The following BACH2 variants were observed in gnomAD, a reference collection of about 807,000 sequenced individuals.
BACH2 encodes the protein transcription regulator protein BACH2.
BACH2 carries 5 observed loss-of-function variants against 61.8 expected under a neutral mutation model. The ratio of observed to expected loss-of-function variants is 0.08; its 90% confidence interval spans 0.04 to 0.17. The LOEUF (loss-of-function observed/expected upper bound fraction) is 0.17, where lower values mean the gene tolerates loss of function less well. Among genes scored for constraint, BACH2 ranks in the 10% least tolerant of loss-of-function variants. BACH2 has a pLI of 1.00. For missense variants in BACH2, 824 were observed against 1,091.1 expected (o/e 0.76, Z 3.45); for synonymous variants, 446 against 440.1 (o/e 1.01, Z -0.17).
intron 3 of BACH2, among the ~76,000 whole-genome samples, chr6:90,228,468 G>A (rs971788642): frequency 3.3e-5 from 5 of 152,254 alleles, no homozygotes; most frequent in African/African-American, 1.2e-4. Context: ...TAGGTTGGGC[G>A]TGGTGGCTCA....
chr6:90,055,778 G>A (rs943395923), intron 5 of BACH2, among the ~76,000 whole-genome samples: 10 of 152,062 alleles, frequency 6.6e-5, no homozygotes, highest in Admixed American at 1.3e-4. Flanking sequence ...CTGATCTCTC[G>A]GCAGAAACTC....
chr6:90,267,322 A>C (rs941351877), intron 2 of BACH2, among the ~76,000 whole-genome samples: 7 of 152,210 alleles, frequency 4.6e-5, no homozygotes, highest in African/African-American at 1.7e-4. Flanking sequence ...ATATGAAAAG[A>C]AGCACACTCT....
At chr6:90,249,016 A>AT (rs1023907468) in intron 3 of BACH2, among the ~76,000 whole-genome samples, 4 of 152,344 alleles carry the variant, frequency 2.6e-5, no homozygotes, top group African/African-American at 9.6e-5. Flanking sequence ...ATATAAAAAT[A>AT]TTTTATTATC....
At chr6:89,932,933 A>C in intron 8 of BACH2, 43 bp from the exon 9 acceptor site, 2 of 1,520,064 alleles carry the variant, frequency 1.3e-6, no homozygotes, top group Non-Finnish European at 1.8e-6. Flanking sequence ...TCAAGCCTGA[A>C]CTGGAGGACA....
intron 6 of BACH2, among the ~76,000 whole-genome samples, chr6:90,005,992 G>A (rs925511961): frequency 1.3e-5 from 2 of 152,148 alleles, no homozygotes; most frequent in African/African-American, 4.8e-5. Flanking sequence ...ATTTTTGTGC[G>A]ATGTCTATAC....
intron 4 of BACH2, among the ~76,000 whole-genome samples, chr6:90,197,334 C>A (rs1768794712): frequency 6.6e-6 from 1 of 152,176 alleles, no homozygotes; most frequent in East Asian, 1.9e-4. Flanking sequence ...TCATACATAG[C>A]AATCCCACTG....
intron 4 of BACH2, among the ~76,000 whole-genome samples, chr6:90,201,566 A>C (rs760344095): frequency 2.2e-4 from 34 of 152,306 alleles, no homozygotes; most frequent in Non-Finnish European, 3.5e-4. Flanking sequence ...AGAACTCTTA[A>C]TAACTCTTTC....
At chr6:90,244,597 C>T (rs1372725321) in intron 3 of BACH2, among the ~76,000 whole-genome samples, 1 of 152,196 alleles carries the variant, frequency 6.6e-6, no homozygotes, top group Non-Finnish European at 1.5e-5. Flanking sequence ...CAACCACCCC[C>T]TCCCCCCTTC....
intron 1 of BACH2, among the ~76,000 whole-genome samples, chr6:90,286,151 C>T (rs544028899): frequency 6.3e-4 from 96 of 152,318 alleles, no homozygotes; most frequent in African/African-American, 2.2e-3. Flanking sequence ...ACTGCTTTTC[C>T]TCCCTTCTGA....
intron 4 of BACH2, among the ~76,000 whole-genome samples, chr6:90,148,271 A>G (rs1470761845): frequency 6.6e-6 from 1 of 152,226 alleles, no homozygotes; most frequent in Non-Finnish European, 1.5e-5. Flanking sequence ...AGTAGGACTT[A>G]CTGATCTAAT....
At chr6:90,170,991 C>T (rs1255112719) in intron 4 of BACH2, among the ~76,000 whole-genome samples, 1 of 150,586 alleles carries the variant, frequency 6.6e-6, no homozygotes, top group African/African-American at 2.4e-5. Context: ...AGGTCAAAGC[C>T]AATACCCTTG....
At chr6:89,964,640 G>C (rs1254794962) in intron 6 of BACH2, among the ~76,000 whole-genome samples, 2 of 152,180 alleles carry the variant, frequency 1.3e-5, no homozygotes, top group African/African-American at 4.8e-5. Context: ...CTTTCTGGAA[G>C]GTGGAATTGC....
At chr6:90,056,199 C>T (rs1258854582) in intron 5 of BACH2, among the ~76,000 whole-genome samples, 2 of 152,130 alleles carry the variant, frequency 1.3e-5, no homozygotes, top group Non-Finnish European at 2.9e-5. Flanking sequence ...GAGTCAAGAC[C>T]TATCAGTGTG....
At chr6:90,092,291 A>AAAAAAAAAAAAATATATATAT in intron 4 of BACH2, among the ~76,000 whole-genome samples, 1 of 113,820 alleles carries the variant, frequency 8.8e-6, no homozygotes, top group Admixed American at 8.6e-5. Context: ...AAAAAAAAAA[A>AAAAAAAAAAAAATATATATAT]ATATATATAT....
chr6:90,228,676 G>A (rs993991065), intron 3 of BACH2, among the ~76,000 whole-genome samples: 2 of 152,034 alleles, frequency 1.3e-5, no homozygotes, highest in Non-Finnish European at 2.9e-5. Context: ...GAGGTGGAGG[G>A]GGCAGTGAGC....
chr6:90,002,086 A>G (rs1562359713), intron 6 of BACH2, among the ~76,000 whole-genome samples: 2 of 152,274 alleles, frequency 1.3e-5, no homozygotes, highest in Middle Eastern at 6.8e-3. Context: ...CCTTCATCTT[A>G]GCTTACAGTC....
intron 6 of BACH2, among the ~76,000 whole-genome samples, chr6:89,995,125 G>T (rs1282595940): frequency 6.6e-6 from 1 of 152,132 alleles, no homozygotes; most frequent in Admixed American, 6.6e-5. Flanking sequence ...ACTACATCTG[G>T]TTTTTAAAGC....
At chr6:89,945,513 T>C (rs142194539) in intron 7 of BACH2, among the ~76,000 whole-genome samples, 4 of 152,292 alleles carry the variant, frequency 2.6e-5, no homozygotes, top group African/African-American at 4.8e-5. Flanking sequence ...TCTACAGAGA[T>C]AGAAGGTAGA....
At position 90,033,115 on chromosome 6, in the gene BACH2, C is replaced by A. The variant is rs938649582; in HGVS notation, c.-12-24259G>T. ...AGCAAACTATCGCAAGGACAAAAAA[C>A]CAAACGCTGCATGTTCTCACTCATA... On this transcript the variant is annotated intron_variant, in intron 5 of 8. Coordinates refer to ENST00000257749, the MANE Select transcript of BACH2 (RefSeq NM_021813.4). Among the ~76,000 whole-genome samples, 21 of 145,764 alleles carry A rather than the reference C, an allele frequency of 1.4e-4. No homozygotes were observed. In the South Asian group the frequency reaches 1.8e-3, roughly 12 times the overall value.
Sources: gnomAD v4.1 joint callset for allele counts (sites outside exome capture counted in the v4.1 genomes callset) on GRCh38, gnomAD v4.1.1 for gene constraint, MANE v1.5 for transcripts, NCBI Gene and HGNC (gene_info 2026-07-23, HGNC 2026-07-21) for gene names.